TOM1: variants seen among roughly 807,000 people sequenced by gnomAD.
TOM1 encodes target of myb1 membrane trafficking protein.
TOM1 carries 38 observed loss-of-function variants against 61.3 expected under a neutral mutation model. The ratio of observed to expected loss-of-function variants is 0.62; its 90% CI spans 0.48 to 0.81. The LOEUF (loss-of-function observed/expected upper bound fraction) is 0.81. Among genes scored for constraint, TOM1 ranks in the 40% least tolerant of loss-of-function variants. TOM1 has a pLI of 0.00. For synonymous variants in TOM1, 270 were observed against 268.8 expected, an observed-to-expected ratio of 1.00 and a Z score of -0.04; for missense variants, 591 against 659.6, an observed-to-expected ratio of 0.90 and a Z score of 1.14.
intron 7 of TOM1, among the ~76,000 whole-genome samples, chr22:35,327,864 C>T (rs1329824361): frequency 6.6e-6 from 1 of 152,172 alleles, no homozygotes; most frequent in Non-Finnish European, 1.5e-5. Context: ...GCAGGTGGAG[C>T]TAGTGGTTCC....
chr22:35,299,862 C>T, upstream of TOM1: 3 of 1,536,988 alleles, frequency 2.0e-6, no homozygotes, highest in African/African-American at 1.4e-5. Flanking sequence ...CGTCACGTGA[C>T]GGGTCGGTGG....
intron 1 of TOM1, among the ~76,000 whole-genome samples, chr22:35,311,538 G>A (rs969648044): frequency 1.3e-5 from 2 of 152,174 alleles, no homozygotes; most frequent in Non-Finnish European, 2.9e-5. Flanking sequence ...AGTCAGCATC[G>A]AACTGAGCAC....
chr22:35,334,524 G>A (rs1391165054), intron 11 of TOM1, 76 bp downstream of exon 11: 2 of 1,553,168 alleles, frequency 1.3e-6, no homozygotes, highest in Non-Finnish European at 1.8e-6. Context: ...TTTTATGGTG[G>A]CACACCATGA....
At chr22:35,306,634 G>T (rs1183820922) in intron 1 of TOM1, among the ~76,000 whole-genome samples, 1 of 152,192 alleles carries the variant, frequency 6.6e-6, no homozygotes, top group Non-Finnish European at 1.5e-5. Context: ...GATAATAATA[G>T]CACCTATCAG....
At chr22:35,331,655 G>A (rs552580694) in intron 8 of TOM1, among the ~76,000 whole-genome samples, 3 of 152,250 alleles carry the variant, frequency 2.0e-5, no homozygotes, top group African/African-American at 4.8e-5. Flanking sequence ...AGGCTGAGCC[G>A]GGAGGATCAC....
intron 1 of TOM1, among the ~76,000 whole-genome samples, chr22:35,305,315 C>T (rs748319311): frequency 4.7e-4 from 71 of 152,256 alleles, no homozygotes; most frequent in Middle Eastern, 3.4e-3. Flanking sequence ...TGGTAAGGAA[C>T]GACAGAGGTC....
chr22:35,318,000 C>A (rs1402714792), intron 2 of TOM1, 39 bp downstream of exon 2: 1 of 1,527,704 alleles, frequency 6.5e-7, no homozygotes, highest in Non-Finnish European at 9.1e-7. Flanking sequence ...GCAGAGACGG[C>A]CATCCCACCA....
intron 12 of TOM1, among the ~76,000 whole-genome samples, chr22:35,339,520 C>T (rs191240609): frequency 6.6e-6 from 1 of 152,154 alleles, no homozygotes; most frequent in Non-Finnish European, 1.5e-5. Context: ...ATTTAGGGAG[C>T]TTTACATGGA....
At chr22:35,334,277 C>G in intron 10 of TOM1, 51 bp from the exon 11 acceptor site, 4 of 1,578,496 alleles carry the variant, frequency 2.5e-6, no homozygotes, top group Non-Finnish European at 3.4e-6. Context: ...AGCAGCAGCT[C>G]ACACACAAGC....
chr22:35,325,174 G>A (rs1409236670), intron 6 of TOM1, among the ~76,000 whole-genome samples: 2 of 152,234 alleles, frequency 1.3e-5, no homozygotes, highest in African/African-American at 4.8e-5. Flanking sequence ...TCACATCCGC[G>A]GAGCGTAAAG....
chr22:35,334,333 G>A lies in TOM1; in HGVS notation c.1033G>A (p.Gly345Ser). The change falls in exon 11 of 15, where the codon GGC becomes AGC. Residue 345 changes from glycine to serine, a missense_variant. Transcript: ENST00000449058. ...TGGCCTTTCTGTCCCTGCAGACCTG[G>A]GCTCCAGCAGTGTGAGAGCTGGCCT... is the stretch of plus-strand genomic sequence containing the variant. ...LSSQLAGMNL[G>S]SSSVRAGLQS... 6.2e-7 allele frequency: 1 copy of A among 1,613,178 alleles called. No homozygotes were observed. Among genetic ancestry groups the A allele is most frequent in the East Asian group, 2.2e-5 (1 of 44,844 alleles).
Position 35,323,982 on chromosome 22 carries a change from C to A in TOM1, c.648+68C>A. 1 of 1,495,206 alleles carries A rather than the reference C, an allele frequency of 6.7e-7. No homozygotes were observed. The allele number at this position is 1,495,206 out of a possible 1,614,324, so 92.6% of individuals were successfully genotyped here. A position where few individuals can be genotyped will look rare whatever the true frequency, so the allele number is the denominator to read the frequency against. ...GGCCACACACGTCAGGGAGGGCCCC[C>A]TGTCAGAATTTACCATCCACGGAGC... On this transcript the variant is annotated intron_variant, in intron 6 of 14. Transcript: ENST00000449058. This position sits in a 1 kb window ranked among gnomAD's most constrained non-coding sequence, Gnocchi z 4.2.
chr22:35,318,183 C>T (rs534368769), intron 2 of TOM1: 45 of 573,948 alleles, frequency 7.8e-5, no homozygotes, highest in African/African-American at 3.5e-4. Flanking sequence ...CACCCCACCC[C>T]GCCTCTCTTA....
At chr22:35,345,561 C>A in intron 12 of TOM1, 164 bp from the exon 13 acceptor site, 1 of 672,194 alleles carries the variant, frequency 1.5e-6, no homozygotes, top group African/African-American at 1.8e-5. Flanking sequence ...GCACCTCCAT[C>A]ACCCACAGCC....
At chr22:35,332,875 C>T in intron 8 of TOM1, 106 bp from the exon 9 acceptor site, 1 of 1,127,638 alleles carries the variant, frequency 8.9e-7, no homozygotes. Context: ...CTGATCATAA[C>T]CCACCGTGTT....
At position 35,340,434 on chromosome 22, in the gene TOM1, A is replaced by C. The variant is rs149455664; in HGVS notation, c.1224+1646A>C. 8.0e-3 allele frequency among the ~76,000 whole-genome samples: 1,212 copies of C among 152,124 alleles called. 10 individuals carry two copies. Among genetic ancestry groups the C allele is most frequent in the South Asian group, 0.014 (66 of 4,818 alleles). On this transcript the variant is annotated intron_variant, in intron 12 of 14. Coordinates refer to ENST00000449058, the MANE Select transcript of TOM1 (RefSeq NM_005488.3). ...AGGAGGGACTTGACTTCCAATCTGA[A>C]AGATCAGGATGGAGCTAGGAAAGCA...
At chr22:35,332,900 C>T in intron 8 of TOM1, 81 bp from the exon 9 acceptor site, 1 of 1,423,196 alleles carries the variant, frequency 7.0e-7, no homozygotes. Flanking sequence ...TTGAGACCCA[C>T]AGTTTGAAAA....
intron 1 of TOM1, among the ~76,000 whole-genome samples, chr22:35,305,986 G>C (rs1427185629): frequency 1.3e-5 from 2 of 152,182 alleles, no homozygotes; most frequent in African/African-American, 4.8e-5. Context: ...GATGGTCTCT[G>C]CTGCAACTAC....
intron 10 of TOM1, 102 bp from the exon 11 acceptor site, chr22:35,334,226 C>A (rs761410442): frequency 6.7e-6 from 10 of 1,485,938 alleles, no homozygotes; most frequent in Non-Finnish European, 8.1e-6. Context: ...ACACGTGCCA[C>A]TTCCCCAGCA....
Sources: gnomAD v4.1 joint callset for allele counts (sites outside exome capture counted in the v4.1 genomes callset) on GRCh38, gnomAD v4.1.1 for gene constraint, Gnocchi (gnomAD v3.1) non-coding constraint, MANE v1.5 for transcripts, NCBI Gene and HGNC (gene_info 2026-07-23, HGNC 2026-07-21) for gene names.